Variants in GNA15 observed in about 807,000 individuals in gnomAD.
GNA15 encodes G protein subunit alpha 15.
GNA15 carries 23 observed loss-of-function variants against 40.1 expected under a neutral mutation model. That is an observed-to-expected ratio of 0.57 (90% CI 0.41 to 0.81). The LOEUF (loss-of-function observed/expected upper bound fraction) is 0.81. Among genes scored for constraint, GNA15 ranks in the 40% least tolerant of loss-of-function variants. GNA15 has a pLI of 0.00. For missense variants in GNA15, 522 were observed against 515.8 expected, an observed-to-expected ratio of 1.01 and a Z score of -0.12; for synonymous variants, 226 against 210.4, an observed-to-expected ratio of 1.07 and a Z score of -0.64.
intron 1 of GNA15, among the ~76,000 whole-genome samples, chr19:3,147,068 C>A (rs913545181): frequency 7.2e-5 from 11 of 152,238 alleles, no homozygotes; most frequent in Non-Finnish European, 1.3e-4. Flanking sequence ...CTTCACAAAT[C>A]ACTTTCACTG....
At position 3,151,813 on chromosome 19, in the gene GNA15, T is replaced by C. The variant is rs1156831129; in HGVS notation, c.592T>C (p.Ser198Pro). The C allele has an allele frequency of 1.9e-6, 3 of 1,611,814 alleles. No homozygotes were observed. The Admixed American group carries it at 5.0e-5, about 27-fold the overall frequency. Residue 198 changes from serine (S) to proline (P), a missense_variant, in exon 4 of 7, where the codon TCC (serine) becomes CCC (proline). Ser to Pro is a moderately conservative substitution (Grantham distance 74). Transcript: ENST00000262958. This position sits in a 1 kb window ranked among gnomAD's most constrained non-coding sequence, Gnocchi z 5.0. ...CACTGGCATCAACGAGTACTGCTTC[T>C]CCGTGCAGAAAACCAACCTGCGGTG... ...PTTGINEYCF[S>P]VQKTNLRIVD...
chr19:3,151,842 G>A lies in GNA15; in HGVS notation c.614+7G>A, dbSNP rs201332462. On this transcript the variant is annotated splice_region_variant and intron_variant, in intron 4 of 6. Transcript: ENST00000262958. This position sits in a 1 kb window ranked among gnomAD's most constrained non-coding sequence, Gnocchi z 5.0. ...TGCAGAAAACCAACCTGCGGTGAGC[G>A]CTCCACCTAGGCCCAGCCTAGGGGG... The A allele has an allele frequency of 4.7e-5, 75 of 1,601,032 alleles. 1 individual carries two copies. The African/African-American group carries it at 5.4e-4, about 11-fold the overall frequency.
At chr19:3,147,626 G>T (rs531229185) in intron 1 of GNA15, among the ~76,000 whole-genome samples, 2 of 151,420 alleles carry the variant, frequency 1.3e-5, no homozygotes, top group African/African-American at 2.4e-5. Flanking sequence ...ACAAAAACTG[G>T]CCAGGCGCGG....
intron 2 of GNA15, 168 bp from the exon 3 acceptor site, chr19:3,149,963 C>A: frequency 1.7e-6 from 1 of 585,390 alleles, no homozygotes; most frequent in Admixed American, 3.2e-5. Context: ...CAAGAACAGA[C>A]GGAGGACAAA....
At chr19:3,156,380 G>A (rs528388650) in intron 5 of GNA15, among the ~76,000 whole-genome samples, 2 of 150,256 alleles carry the variant, frequency 1.3e-5, no homozygotes, top group Admixed American at 6.6e-5. Context: ...ATGCACTCAC[G>A]TGCACAATAC....
intron 1 of GNA15, among the ~76,000 whole-genome samples, chr19:3,147,712 C>T (rs1183483881): frequency 6.6e-6 from 1 of 151,630 alleles, no homozygotes; most frequent in Non-Finnish European, 1.5e-5. Context: ...CGGTGAAACC[C>T]CGTCTCTACT....
At chr19:3,146,083 G>A (rs1412579705) in intron 1 of GNA15, among the ~76,000 whole-genome samples, 1 of 151,994 alleles carries the variant, frequency 6.6e-6, no homozygotes, top group African/African-American at 2.4e-5. Flanking sequence ...CCTCTTTCTG[G>A]GCCCCAACCA....
rs755322193 is a variant in GNA15 at position 3,136,193 on chromosome 19, G to A, written c.-258G>A. On this transcript the variant is annotated 5_prime_UTR_variant, in exon 1 of 7. Coordinates refer to ENST00000262958, the MANE Select transcript of GNA15 (RefSeq NM_002068.4). The surrounding 1 kb of genome is among the most constrained non-coding windows in gnomAD (Gnocchi z 4.9). Reference sequence around the variant, plus strand: ...GGTCTGAGCAGGTCTGGAGGTGGGCGGGGAGCCCTGGCCTCCCCACCTCCT... The same window carrying A: ...GGTCTGAGCAGGTCTGGAGGTGGGCAGGGAGCCCTGGCCTCCCCACCTCCT... 1.1e-5 allele frequency: 5 copies of A among 436,304 alleles called. No homozygotes were observed. The highest frequency in any genetic ancestry group is 2.6e-5 in the South Asian group (1 of 38,218). The allele number at this position is 436,304 out of a possible 1,614,324, so 27.0% of individuals were successfully genotyped here.
In GNA15 at chr19:3,162,991, G is replaced by A; in HGVS notation, c.1097G>A (p.Arg366His). 1 of 1,613,304 alleles carries A rather than the reference G, an allele frequency of 6.2e-7. No individual in the cohort carries two copies. Among genetic ancestry groups the A allele is most frequent in the Non-Finnish European group, 8.5e-7 (1 of 1,179,460 alleles). Reference protein sequence around the residue: ...FKDVRDSVLARYLDEINLL With the variant: ...FKDVRDSVLAHYLDEINLL ...GACGTGCGGGACTCGGTGCTCGCCC[G>A]CTACCTGGACGAGATCAACCTGCTG... Residue 366 changes from arginine to histidine, a missense_variant, in exon 7 of 7, where the codon CGC becomes CAC. By Grantham distance (29) the Arg-to-His change is conservative (BLOSUM62 0). Transcript: ENST00000262958.
At chr19:3,139,137 G>A (rs111824497) in intron 1 of GNA15, among the ~76,000 whole-genome samples, 4 of 148,992 alleles carry the variant, frequency 2.7e-5, no homozygotes, top group African/African-American at 4.9e-5. Context: ...GTAGAGATGG[G>A]GTTTCACCAT....
intron 1 of GNA15, among the ~76,000 whole-genome samples, chr19:3,144,631 C>T (rs935251306): frequency 2.6e-5 from 4 of 151,228 alleles, no homozygotes; most frequent in African/African-American, 4.9e-5. Context: ...CCGGTTCACG[C>T]CATTCTCCTG....
chr19:3,139,668 G>C (rs12972237), intron 1 of GNA15, among the ~76,000 whole-genome samples: 25,381 of 151,164 alleles, frequency 0.17, 2,393 homozygotes, highest in Non-Finnish European at 0.22. Flanking sequence ...GGGAGGCCGA[G>C]GTGGGCAGAT....
Position 3,149,064 on chromosome 19 carries a change from C to T in GNA15, c.330+289C>T, listed in dbSNP as rs904951809. On this transcript the variant is annotated intron_variant, in intron 2 of 6. Coordinates refer to ENST00000262958, the MANE Select transcript of GNA15 (RefSeq NM_002068.4). ...ACGTACATGCTCACAAAGATACACA[C>T]GCATGCCCACATGCACACACCCACA... 39 of 398,940 alleles carry T rather than the reference C, an allele frequency of 9.8e-5. 1 individual carries two copies. In the South Asian group the frequency reaches 1.1e-3, roughly 11 times the overall value. 24.7% of individuals were successfully genotyped at this position (398,940 alleles called of 1,614,324 possible). A position where few individuals can be genotyped will look rare whatever the true frequency, so the allele number is the denominator to read the frequency against.
intron 1 of GNA15, among the ~76,000 whole-genome samples, chr19:3,144,163 T>TGAGGCTCA (rs1291956102): frequency 6.7e-6 from 1 of 148,894 alleles, no homozygotes; most frequent in African/African-American, 2.5e-5. Context: ...CCTCTCGTGG[T>TGAGGCTCA]GAGGCTCAGG....
intron 4 of GNA15, among the ~76,000 whole-genome samples, chr19:3,152,480 C>T (rs1434117895): frequency 6.6e-6 from 1 of 151,956 alleles, no homozygotes; most frequent in Non-Finnish European, 1.5e-5. Flanking sequence ...GTGATGGAGT[C>T]CTTTGGGACA....
chr19:3,146,748 GTCCTCCCT>G (rs1407430081), intron 1 of GNA15, among the ~76,000 whole-genome samples: 2 of 151,524 alleles, frequency 1.3e-5, no homozygotes, highest in African/African-American at 4.9e-5. Context: ...CCCACAGCCT[GTCCTCCCT>G]GCAGCAGCCA....
chr19:3,136,261 C>T lies in GNA15; in HGVS notation c.-190C>T, dbSNP rs11557889. ...CCCAGCACTCAAGCCTTGCCACCGC[C>T]GAGCCGGGCTTCCTGGGTGTTTCAG... On this transcript the variant is annotated 5_prime_UTR_variant, in exon 1 of 7. Transcript: ENST00000262958. The surrounding 1 kb of genome is among the most constrained non-coding windows in gnomAD (Gnocchi z 4.9). 0.055 allele frequency: 32,461 copies of T among 591,982 alleles called. 1,121 individuals carry two copies. The highest frequency in any genetic ancestry group is 0.064 in the Middle Eastern group (136 of 2,112). 36.7% of individuals were successfully genotyped at this position (591,982 alleles called of 1,614,324 possible). A position where few individuals can be genotyped will look rare whatever the true frequency, so the allele number is the denominator to read the frequency against.
Position 3,155,779 on chromosome 19 carries a change from G to T in GNA15, c.615-44G>T. 6.3e-7 allele frequency: 1 copy of T among 1,598,942 alleles called. No individual in the cohort carries two copies. ...TGATGGGGGTTGGGGGTGTCACGGAGCAGGCTCCTGAGCTCTGAAAGGGGG... is the reference window on the plus strand; with the variant it reads ...TGATGGGGGTTGGGGGTGTCACGGATCAGGCTCCTGAGCTCTGAAAGGGGG... On this transcript the variant is annotated intron_variant, in intron 4 of 6. Transcript: ENST00000262958. The surrounding 1 kb of genome is among the most constrained non-coding windows in gnomAD (Gnocchi z 5.6).
At position 3,145,359 on chromosome 19, in the gene GNA15, A is replaced by ATATATATT; in HGVS notation, c.146-3231_146-3230insATATATTT. On this transcript the variant is annotated intron_variant, in intron 1 of 6. Coordinates refer to ENST00000262958, the MANE Select transcript of GNA15 (RefSeq NM_002068.4). Reference sequence around the variant, plus strand: ...TAAATATATATATATATATATATATATTTTTTTTTTTTTGTAGAGATGGGG... The same window carrying ATATATATT: ...TAAATATATATATATATATATATATATATATATTTTTTTTTTTTTTTGTAGAGATGGGG... Among the ~76,000 whole-genome samples the ATATATATT allele has an allele frequency of 8.0e-3, 375 of 46,948 alleles. 5 individuals carry two copies. Among genetic ancestry groups the ATATATATT allele is most frequent in the African/African-American group, 0.014 (149 of 10,908 alleles). The allele number at this position is 46,948 out of a possible 152,430, so 30.8% of individuals were successfully genotyped here. A position where few individuals can be genotyped will look rare whatever the true frequency, so the allele number is the denominator to read the frequency against.
Sources: allele counts gnomAD v4.1 joint callset (sites outside exome capture counted in the v4.1 genomes callset), GRCh38; gene constraint gnomAD v4.1.1; non-coding constraint Gnocchi (gnomAD v3.1); transcripts MANE v1.5; gene names NCBI Gene and HGNC (gene_info 2026-07-23, HGNC 2026-07-21).